ASTN2: variants seen among roughly 807,000 people sequenced by gnomAD.
The protein encoded by ASTN2 is astrotactin 2.
Under a neutral mutation model 139.8 loss-of-function variants are expected in ASTN2, and 54 were observed. That is an observed-to-expected ratio of 0.39 (90% CI 0.31 to 0.48). ASTN2 has a LOEUF of 0.48. Among genes scored for constraint, ASTN2 ranks in the 20% least tolerant of loss-of-function variants. The pLI is 0.95. For missense variants in ASTN2, 1,565 were observed against 1,725.1 expected (o/e 0.91, Z 1.64); for synonymous variants, 756 against 719.5 (o/e 1.05, Z -0.81).
intron 3 of ASTN2, among the ~76,000 whole-genome samples, chr9:117,143,917 T>C (rs959833850): frequency 2.6e-5 from 4 of 152,116 alleles, no homozygotes; most frequent in Admixed American, 2.6e-4. Context: ...CTCCCAAAGA[T>C]CCTATCTCCA....
intron 19 of ASTN2, among the ~76,000 whole-genome samples, chr9:116,496,175 T>C (rs190145381): frequency 5.3e-5 from 8 of 152,316 alleles, no homozygotes; most frequent in East Asian, 1.9e-4. Context: ...CTCTCATATA[T>C]TGATGGATTG....
intron 10 of ASTN2, among the ~76,000 whole-genome samples, chr9:116,917,248 T>G (rs550850901): frequency 5.9e-5 from 9 of 152,292 alleles, no homozygotes; most frequent in African/African-American, 2.2e-4. Flanking sequence ...CAGTGAACTC[T>G]CATAACATTG....
At chr9:116,575,072 T>C (rs1415966954) in intron 19 of ASTN2, among the ~76,000 whole-genome samples, 1 of 152,190 alleles carries the variant, frequency 6.6e-6, no homozygotes, top group Non-Finnish European at 1.5e-5. Context: ...CACCCTTCTT[T>C]CTTCGTTTCA....
At chr9:117,013,799 G>A (rs1043966442) in intron 6 of ASTN2, among the ~76,000 whole-genome samples, 18 of 151,996 alleles carry the variant, frequency 1.2e-4, no homozygotes, top group Admixed American at 9.2e-4. Context: ...AAAATACCAC[G>A]GAAGGAGGTA....
rs779530342 is a variant in ASTN2, at chr9:116,697,954, C to T, written c.2806+27817G>A. 10 of 1,614,206 alleles carry T rather than the reference C, an allele frequency of 6.2e-6. No individual in the cohort carries two copies. The highest frequency in any genetic ancestry group is 7.6e-6 in the Non-Finnish European group (9 of 1,180,044). ...TTTTGCAGCAAGATTACCCGCATAACCAGCTTGACCCAGCTGACAGACAAT... is the reference window on the plus strand; with the variant it reads ...TTTTGCAGCAAGATTACCCGCATAATCAGCTTGACCCAGCTGACAGACAAT... On this transcript the variant is annotated intron_variant, in intron 16 of 22. Coordinates refer to ENST00000313400, the MANE Select transcript of ASTN2 (RefSeq NM_001365068.1).
At chr9:116,803,494 ATATATATATATATATATATATATATATAT>A (rs1203916394) in intron 13 of ASTN2, among the ~76,000 whole-genome samples, 128 of 9,700 alleles carry the variant, frequency 0.013, 1 homozygote, top group Admixed American at 0.043. Context: ...ATATATATAT[ATATATATATATATATATATATATATATAT>A]TTTTTTTTTT....
chr9:117,229,249 G>T lies in ASTN2; in HGVS notation c.631-14507C>A, dbSNP rs114818543. Among the ~76,000 whole-genome samples the T allele has an allele frequency of 7.6e-3, 1,164 of 152,178 alleles. 17 individuals carry two copies. The highest frequency in any genetic ancestry group is 0.027 in the African/African-American group (1,102 of 41,504). ...ACATCTCAGTTGTAACACTGATAAC[G>T]CTCCCCGCCCCCAAGCCCTACCATG... On this transcript the variant is annotated intron_variant, in intron 2 of 22. Coordinates refer to ENST00000313400, the MANE Select transcript of ASTN2 (RefSeq NM_001365068.1).
intron 19 of ASTN2, among the ~76,000 whole-genome samples, chr9:116,545,489 C>T (rs1045382382): frequency 6.6e-6 from 1 of 152,134 alleles, no homozygotes; most frequent in African/African-American, 2.4e-5. Flanking sequence ...CACAGGGAAA[C>T]CGACGAGATT....
intron 19 of ASTN2, among the ~76,000 whole-genome samples, chr9:116,603,801 G>A (rs1379499410): frequency 6.6e-5 from 10 of 152,180 alleles, no homozygotes; most frequent in Admixed American, 3.9e-4. Context: ...TTCTCTTGGC[G>A]TCTCTAACGG....
At chr9:116,867,706 A>C (rs904343159) in intron 10 of ASTN2, among the ~76,000 whole-genome samples, 5 of 152,144 alleles carry the variant, frequency 3.3e-5, no homozygotes, top group Admixed American at 6.5e-5. Flanking sequence ...AAAAATACAA[A>C]AGCTGTCCAC....
At chr9:116,870,977 G>A (rs1833148806) in intron 10 of ASTN2, among the ~76,000 whole-genome samples, 1 of 152,158 alleles carries the variant, frequency 6.6e-6, no homozygotes, top group Admixed American at 6.5e-5. Context: ...ATCAAGCTCA[G>A]GGCAGGCACG....
chr9:117,130,742 T>C (rs1038769117), intron 4 of ASTN2, among the ~76,000 whole-genome samples: 4 of 152,156 alleles, frequency 2.6e-5, no homozygotes, highest in Non-Finnish European at 4.4e-5. Context: ...GCTTTTGCTA[T>C]ACACACACAC....
At chr9:116,729,621 T>A (rs1240067712) in intron 14 of ASTN2, among the ~76,000 whole-genome samples, 2 of 152,254 alleles carry the variant, frequency 1.3e-5, no homozygotes, top group Non-Finnish European at 2.9e-5. Context: ...GCAGTTGCAA[T>A]ACAAACCACC....
chr9:116,685,649 T>C (rs1588195540), intron 16 of ASTN2, among the ~76,000 whole-genome samples: 1 of 152,330 alleles, frequency 6.6e-6, no homozygotes. Context: ...AGCTATAAGA[T>C]AAAAATTGAG....
intron 1 of ASTN2, among the ~76,000 whole-genome samples, chr9:117,413,572 G>C (rs1048391077): frequency 6.6e-6 from 1 of 152,172 alleles, no homozygotes; most frequent in East Asian, 1.9e-4. Flanking sequence ...ACCCGGGTGG[G>C]AAATCAGCTG....
At chr9:116,479,594 A>G (rs1016539633) in intron 20 of ASTN2, among the ~76,000 whole-genome samples, 6 of 152,234 alleles carry the variant, frequency 3.9e-5, no homozygotes, top group Admixed American at 6.5e-5. Flanking sequence ...AATCAAGGGC[A>G]TCGCACAAAT....
At chr9:116,675,857 T>C (rs1203528020) in intron 16 of ASTN2, among the ~76,000 whole-genome samples, 1 of 152,166 alleles carries the variant, frequency 6.6e-6, no homozygotes, top group Non-Finnish European at 1.5e-5. Flanking sequence ...GGTCATGCCT[T>C]CCCACCTGGA....
chr9:116,915,402 A>T (rs1834414998), intron 10 of ASTN2, among the ~76,000 whole-genome samples: 1 of 152,154 alleles, frequency 6.6e-6, no homozygotes, highest in African/African-American at 2.4e-5. Flanking sequence ...TTCCTGACAT[A>T]GAGCTCCCAA....
At chr9:117,133,302 G>T (rs2132841802) in intron 4 of ASTN2, among the ~76,000 whole-genome samples, 1 of 152,284 alleles carries the variant, frequency 6.6e-6, no homozygotes, top group East Asian at 1.9e-4. Flanking sequence ...CTCCCTGTGA[G>T]GTGACTGATT....
Sources: gnomAD v4.1 joint callset for allele counts (sites outside exome capture counted in the v4.1 genomes callset) on GRCh38, gnomAD v4.1.1 for gene constraint, MANE v1.5 for transcripts, NCBI Gene and HGNC (gene_info 2026-07-23, HGNC 2026-07-21) for gene names.